Variants in ANKRD11 observed in about 807,000 individuals in gnomAD.
ANKRD11 encodes ankyrin repeat domain 11, also known as ankyrin repeat domain-containing protein 11.
In ANKRD11, 17 loss-of-function variants were observed where a neutral mutation model predicts 195.7. The observed-to-expected ratio is 0.09, with a 90% CI of 0.06 to 0.13. The LOEUF (loss-of-function observed/expected upper bound fraction) is 0.13, where lower values mean the gene tolerates loss of function less well. ANKRD11 is among the 10% of genes least tolerant of loss of function. The pLI, the probability that ANKRD11 is intolerant of heterozygous loss-of-function variation, is 1.00. For synonymous variants in ANKRD11, 1,953 were observed against 1,528.1 expected, an observed-to-expected ratio of 1.28 and a Z score of -6.49; for missense variants, 3,735 against 3,566.1, an observed-to-expected ratio of 1.05 and a Z score of -1.21.
chr16:89,367,968 C>A (rs1374759375), intron 2 of ANKRD11, among the ~76,000 whole-genome samples: 1 of 152,004 alleles, frequency 6.6e-6, no homozygotes, highest in Non-Finnish European at 1.5e-5. Context: ...TGCACCACTG[C>A]ACTCCAGTGT....
At chr16:89,391,852 A>G (rs552879940) in intron 2 of ANKRD11, among the ~76,000 whole-genome samples, 11 of 152,396 alleles carry the variant, frequency 7.2e-5, no homozygotes, top group Admixed American at 6.5e-4. Flanking sequence ...AATATCTGCT[A>G]GCCTTAATAA....
chr16:89,477,431 C>CT (rs2057297544), intron 1 of ANKRD11, among the ~76,000 whole-genome samples: 1 of 152,098 alleles, frequency 6.6e-6, no homozygotes, highest in Non-Finnish European at 1.5e-5. Context: ...TTCTGGCTCA[C>CT]TGCAACCTCC....
At chr16:89,441,305 T>A (rs2043453183) in intron 1 of ANKRD11, among the ~76,000 whole-genome samples, 1 of 152,070 alleles carries the variant, frequency 6.6e-6, no homozygotes. Context: ...AATATTTAAA[T>A]GAATTTTCAT....
chr16:89,346,262 A>AG (rs1472845753), intron 2 of ANKRD11, among the ~76,000 whole-genome samples: 1 of 151,432 alleles, frequency 6.6e-6, no homozygotes, highest in African/African-American at 2.4e-5. Flanking sequence ...AAAAAAAAAA[A>AG]AAAAAAAAGA....
In ANKRD11 at chr16:89,279,744, C is replaced by T. The variant is rs1567554826; in HGVS notation, c.6798G>A (p.Ala2266=). The change falls in exon 9 of 13, where the codon GCG becomes GCA. Residue 2266 remains alanine, a synonymous_variant. Coordinates refer to ENST00000301030, the MANE Select transcript of ANKRD11 (RefSeq NM_013275.6). This position sits in a 1 kb window ranked among gnomAD's most constrained non-coding sequence, Gnocchi z 5.6. ...CGGGGCCGTCAGGGGCACAGAGGGACGCGGCGGGGGGGCCTTCAGCCTCAG... is the reference window on the plus strand; with the variant it reads ...CGGGGCCGTCAGGGGCACAGAGGGATGCGGCGGGGGGGCCTTCAGCCTCAG... ...QGAEAEGPPA[A]SLCAPDGPAP... 5.2e-6 allele frequency: 8 copies of T among 1,526,746 alleles called. No homozygotes were observed. In the South Asian group the frequency reaches 7.2e-5, roughly 14 times the overall value. The allele number at this position is 1,526,746 out of a possible 1,614,324, so 94.6% of individuals were successfully genotyped here. A position where few individuals can be genotyped will look rare whatever the true frequency, so the allele number is the denominator to read the frequency against.
rs1468277012 is a variant in ANKRD11, at chr16:89,282,554, C to T, written c.3988G>A (p.Gly1330Arg). The part of the protein sequence containing the change: ...FLEVSFTEPP[G>R]DDKPRESACL... ...GCGCTCTCCCTCGGCTTGTCGTCTC[C>T]AGGTGGCTCCGTGAAAGAGACCTCC... is the stretch of plus-strand genomic sequence containing the variant. Residue 1330 changes from glycine (G) to arginine (R), a missense_variant, in exon 9 of 13, where the codon GGA (glycine) becomes AGA (arginine). Coordinates refer to ENST00000301030, the MANE Select transcript of ANKRD11 (RefSeq NM_013275.6). The T allele has an allele frequency of 6.2e-7, 1 of 1,614,082 alleles. No homozygotes were observed. Among genetic ancestry groups the T allele is most frequent in the Non-Finnish European group, 8.5e-7 (1 of 1,179,988 alleles).
chr16:89,384,219 C>CA (rs1324715337), intron 2 of ANKRD11, among the ~76,000 whole-genome samples: 17 of 152,220 alleles, frequency 1.1e-4, no homozygotes, highest in African/African-American at 3.6e-4. Flanking sequence ...GACTCCATCT[C>CA]AAAAACAAAC....
At chr16:89,293,863 A>G (rs754588436) in intron 4 of ANKRD11, among the ~76,000 whole-genome samples, 1 of 152,116 alleles carries the variant, frequency 6.6e-6, no homozygotes, top group Non-Finnish European at 1.5e-5. Context: ...CGTGTGTCAG[A>G]GGAACAGGCA....
At chr16:89,341,463 G>A (rs2038655712) in intron 2 of ANKRD11, among the ~76,000 whole-genome samples, 1 of 152,198 alleles carries the variant, frequency 6.6e-6, no homozygotes, top group South Asian at 2.1e-4. Context: ...GGTTCCAGAA[G>A]GCCTGTGTGG....
intron 1 of ANKRD11, among the ~76,000 whole-genome samples, chr16:89,424,628 C>T (rs2042645051): frequency 6.6e-6 from 1 of 151,970 alleles, no homozygotes; most frequent in African/African-American, 2.4e-5. Context: ...GCAAAAAGGC[C>T]AATCGAAAAG....
Position 89,291,197 on chromosome 16 carries a change from G to A in ANKRD11, c.227-14C>T, listed in dbSNP as rs769523535. On this transcript the variant is annotated splice_polypyrimidine_tract_variant and intron_variant, in intron 4 of 12. Coordinates refer to ENST00000301030, the MANE Select transcript of ANKRD11 (RefSeq NM_013275.6). The surrounding 1 kb of genome is among the most constrained non-coding windows in gnomAD (Gnocchi z 5.3). ...GGCCCTGCTTCTCTGTGAGGCGGGC[G>A]AGGGAGAGAGGGAGGAGAGATTTCA... The A allele has an allele frequency of 2.1e-5, 34 of 1,612,188 alleles. No individual in the cohort carries two copies. Among genetic ancestry groups the A allele is most frequent in the South Asian group, 2.0e-4 (18 of 91,072 alleles).
chr16:89,393,449 A>G (rs2041288265), intron 2 of ANKRD11, among the ~76,000 whole-genome samples: 1 of 146,152 alleles, frequency 6.8e-6, no homozygotes, highest in African/African-American at 2.5e-5. Flanking sequence ...TCAGTCCCCC[A>G]TGTAGCTGGG....
intron 1 of ANKRD11, among the ~76,000 whole-genome samples, chr16:89,426,892 C>A (rs1377262873): frequency 6.6e-6 from 1 of 152,252 alleles, no homozygotes; most frequent in Non-Finnish European, 1.5e-5. Flanking sequence ...CCTCTCACAA[C>A]ACTCATCTGT....
intron 1 of ANKRD11, among the ~76,000 whole-genome samples, chr16:89,479,772 T>C (rs780321450): frequency 1.3e-5 from 2 of 151,614 alleles, no homozygotes; most frequent in African/African-American, 2.4e-5. Context: ...TGAGACCCCA[T>C]CTCCACTAAA....
chr16:89,269,399 A>G (rs1214779117), intron 12 of ANKRD11, among the ~76,000 whole-genome samples: 2 of 152,138 alleles, frequency 1.3e-5, no homozygotes, highest in Non-Finnish European at 1.5e-5. Flanking sequence ...CAACATATAT[A>G]TATGTATGAA....
intron 1 of ANKRD11, among the ~76,000 whole-genome samples, chr16:89,422,475 A>G (rs2152245140): frequency 6.6e-6 from 1 of 152,322 alleles, no homozygotes; most frequent in South Asian, 2.1e-4. Context: ...CCACGGACTG[A>G]GGCATCCTAC....
At chr16:89,341,858 A>ACCG (rs1555547343) in intron 2 of ANKRD11, among the ~76,000 whole-genome samples, 14 of 68,198 alleles carry the variant, frequency 2.1e-4, no homozygotes, top group African/African-American at 7.7e-4. Context: ...CTGCACCTCC[A>ACCG]CCCACAGCGG....
intron 2 of ANKRD11, among the ~76,000 whole-genome samples, chr16:89,378,424 T>C (rs2040510419): frequency 6.6e-6 from 1 of 152,254 alleles, no homozygotes; most frequent in African/African-American, 2.4e-5. Flanking sequence ...TAGGTCAATA[T>C]TGATTTGTAA....
chr16:89,353,603 T>C (rs1261714796), intron 2 of ANKRD11, among the ~76,000 whole-genome samples: 1 of 151,792 alleles, frequency 6.6e-6, no homozygotes, highest in Admixed American at 6.6e-5. Flanking sequence ...TCAGCCTCCC[T>C]AGTAGCTGGG....
Sources: gnomAD v4.1 joint callset for allele counts (sites outside exome capture counted in the v4.1 genomes callset) on GRCh38, gnomAD v4.1.1 for gene constraint, Gnocchi (gnomAD v3.1) non-coding constraint, MANE v1.5 for transcripts, NCBI Gene and HGNC (gene_info 2026-07-23, HGNC 2026-07-21) for gene names.